The following NR4A3 variants were observed in gnomAD, a reference collection of about 807,000 sequenced individuals.
The protein encoded by NR4A3 is chondrosarcoma, extraskeletal myxoid, fused to EWS.
Under a neutral mutation model 55.6 loss-of-function variants are expected in NR4A3, and 13 were observed. The observed-to-expected ratio is 0.23, with a 90% CI of 0.15 to 0.37. The LOEUF (loss-of-function observed/expected upper bound fraction) is 0.37. Among genes scored for constraint, NR4A3 ranks in the 10% least tolerant of loss-of-function variants. The probability of loss-of-function intolerance (pLI) is 1.00; values close to 1 mark genes in which losing one functional copy is unlikely to be tolerated. For missense variants in NR4A3, 646 were observed against 822.8 expected (o/e 0.79, Z 2.63); for synonymous variants, 342 against 357.9 (o/e 0.96, Z 0.50).
rs538379255 is a variant in NR4A3 at position 99,822,745 on chromosome 9, TCGGCGGCGG to T, written c.-177+352_-177+360del. Among the ~76,000 whole-genome samples, 10 of 151,966 alleles carry T rather than the reference TCGGCGGCGG, an allele frequency of 6.6e-5. No homozygotes were observed. The highest frequency in any genetic ancestry group is 1.5e-4 in the Non-Finnish European group (10 of 67,974). On this transcript the variant is annotated intron_variant, in intron 1 of 7. Coordinates refer to ENST00000395097, the MANE Select transcript of NR4A3 (RefSeq NM_006981.4). The surrounding 1 kb of genome is among the most constrained non-coding windows in gnomAD (Gnocchi z 4.9). ...TCTAGTTGTCATGGTAATGATGCTC[TCGGCGGCGG>T]CGGCGGCGGCGGCAGCGGCAGCGGC... is the stretch of plus-strand genomic sequence containing the variant.
chr9:99,866,540 CATCTT>C lies in NR4A3; in HGVS notation c.*2677_*2681del, dbSNP rs1372661108. On this transcript the variant is annotated 3_prime_UTR_variant, in exon 8 of 8. Transcript: ENST00000395097. ...TTACAACTATGAGAGCCTCCCAAGT[CATCTT>C]ATCAACTCAACTCCCTTTTTTTTGT... 1 of 228,726 alleles carries C rather than the reference CATCTT, an allele frequency of 4.4e-6. No individual in the cohort carries two copies. Among genetic ancestry groups the C allele is most frequent in the Non-Finnish European group, 8.7e-6 (1 of 115,088 alleles). 14.2% of individuals were successfully genotyped at this position (228,726 alleles called of 1,614,324 possible). A position where few individuals can be genotyped will look rare whatever the true frequency, so the allele number is the denominator to read the frequency against.
rs541982050 is a variant in NR4A3, at chr9:99,865,868, G to A, written c.*2001G>A. Reference sequence around the variant, plus strand: ...ATAGAACCTGGAATGTTAGGATTTTGAAATGTTAGACTTGGAAGGGGCCTG... The same window carrying A: ...ATAGAACCTGGAATGTTAGGATTTTAAAATGTTAGACTTGGAAGGGGCCTG... On this transcript the variant is annotated 3_prime_UTR_variant, in exon 8 of 8. Transcript: ENST00000395097. This position sits in a 1 kb window ranked among gnomAD's most constrained non-coding sequence, Gnocchi z 4.3. 5.3e-4 allele frequency: 114 copies of A among 214,414 alleles called. No homozygotes were observed. Among genetic ancestry groups the A allele is most frequent in the Non-Finnish European group, 9.0e-4 (95 of 105,920 alleles). 13.3% of individuals were successfully genotyped at this position (214,414 alleles called of 1,614,324 possible).
intron 7 of NR4A3, among the ~76,000 whole-genome samples, chr9:99,858,900 G>A (rs1229045843): frequency 1.3e-5 from 2 of 152,168 alleles, no homozygotes; most frequent in Non-Finnish European, 2.9e-5. Flanking sequence ...GCATAATATA[G>A]TTAACTCCCA....
At chr9:99,860,999 G>A (rs1011913029) in intron 7 of NR4A3, among the ~76,000 whole-genome samples, 1 of 152,188 alleles carries the variant, frequency 6.6e-6, no homozygotes, top group Non-Finnish European at 1.5e-5. Flanking sequence ...AGCAAAGGCT[G>A]TGTATCTGCC....
intron 7 of NR4A3, among the ~76,000 whole-genome samples, chr9:99,863,078 G>A (rs1325797237): frequency 6.6e-6 from 1 of 152,180 alleles, no homozygotes; most frequent in Non-Finnish European, 1.5e-5. Flanking sequence ...TTTTCGAGCA[G>A]CCCTTGCATT....
At chr9:99,826,597 C>G (rs1295563583) in intron 2 of NR4A3, 1 of 603,492 alleles carries the variant, frequency 1.7e-6, no homozygotes, top group Non-Finnish European at 3.0e-6. Context: ...AAATGATTAG[C>G]CTTTCATTTC....
intron 7 of NR4A3, among the ~76,000 whole-genome samples, chr9:99,848,427 C>T (rs1375059686): frequency 6.6e-6 from 1 of 152,180 alleles, no homozygotes; most frequent in Non-Finnish European, 1.5e-5. Context: ...TTACTGCAAC[C>T]TCTGCCTCCT....
rs539476077 is a variant in NR4A3, at chr9:99,861,208, G to T, written c.1634-2412G>T. On this transcript the variant is annotated intron_variant, in intron 7 of 7. Coordinates refer to ENST00000395097, the MANE Select transcript of NR4A3 (RefSeq NM_006981.4). ...GGAGATCCCGCTGGCAATCTTCATG[G>T]TTGTATTTTAATATCATTATAACAT... Among the ~76,000 whole-genome samples the T allele has an allele frequency of 3.3e-5, 5 of 152,340 alleles. No individual in the cohort carries two copies. The East Asian group carries it at 9.6e-4, about 29-fold the overall frequency.
intron 5 of NR4A3, among the ~76,000 whole-genome samples, chr9:99,839,144 T>G (rs1003957389): frequency 4.6e-5 from 7 of 152,156 alleles, no homozygotes; most frequent in African/African-American, 1.4e-4. Context: ...GAGAGGAATT[T>G]TTTGCTTTTT....
In NR4A3 at chr9:99,866,285, T is replaced by A. The variant is rs1319206450; in HGVS notation, c.*2418T>A. 7.2e-5 allele frequency: 16 copies of A among 221,274 alleles called. No individual in the cohort carries two copies. In the Admixed American group the frequency reaches 9.2e-4, roughly 13 times the overall value. The allele number at this position is 221,274 out of a possible 1,614,324, so 13.7% of individuals were successfully genotyped here. A position where few individuals can be genotyped will look rare whatever the true frequency, so the allele number is the denominator to read the frequency against. ...TTGTGCACCATGAGTATTTGGAAAG[T>A]TAATCCTTGTTTTTGTCGTGTCTAT... is the stretch of plus-strand genomic sequence containing the variant. On this transcript the variant is annotated 3_prime_UTR_variant, in exon 8 of 8. Coordinates refer to ENST00000395097, the MANE Select transcript of NR4A3 (RefSeq NM_006981.4).
At chr9:99,861,477 T>C (rs981624040) in intron 7 of NR4A3, among the ~76,000 whole-genome samples, 3 of 151,492 alleles carry the variant, frequency 2.0e-5, no homozygotes, top group African/African-American at 7.3e-5. Context: ...ATTTCACCAC[T>C]GCATAGCCTG....
intron 5 of NR4A3, chr9:99,833,789 A>C: frequency 7.5e-7 from 1 of 1,330,602 alleles, no homozygotes; most frequent in Non-Finnish European, 9.7e-7. Context: ...CAAAGTGACT[A>C]CTGTTTTTTT....
chr9:99,866,375 A>G lies in NR4A3; in HGVS notation c.*2508A>G, dbSNP rs1353473559. On this transcript the variant is annotated 3_prime_UTR_variant, in exon 8 of 8. Coordinates refer to ENST00000395097, the MANE Select transcript of NR4A3 (RefSeq NM_006981.4). ...AAATGCTGTTACTTTTTATTTTTAC[A>G]CCCATCAGATTTAAGGAAAAGACTT... The G allele has an allele frequency of 2.2e-5, 5 of 223,158 alleles. No homozygotes were observed. The East Asian group carries it at 3.3e-4, about 15-fold the overall frequency. The allele number at this position is 223,158 out of a possible 1,614,324, so 13.8% of individuals were successfully genotyped here.
chr9:99,862,955 T>G (rs533294090), intron 7 of NR4A3, among the ~76,000 whole-genome samples: 7 of 152,072 alleles, frequency 4.6e-5, no homozygotes, highest in African/African-American at 1.4e-4. Context: ...GTGCCAGGTG[T>G]AGGTCAACAG....
Position 99,828,521 on chromosome 9 carries a change from T to A in NR4A3, c.479T>A (p.Leu160Gln). Reference sequence around the variant, plus strand: ...GCGGGGGCGTTATGGGACGAGGCACTGCCCTCGGCGCCCGGCTGCATCGCA... The same window carrying A: ...GCGGGGGCGTTATGGGACGAGGCACAGCCCTCGGCGCCCGGCTGCATCGCA... ...PQAGALWDEA[L>Q]PSAPGCIAPG... Residue 160 changes from leucine to glutamine, a missense_variant, in exon 3 of 8, where the codon CTG becomes CAG. Leu to Gln is a moderately radical substitution (Grantham distance 113, BLOSUM62 -2). Coordinates refer to ENST00000395097, the MANE Select transcript of NR4A3 (RefSeq NM_006981.4). The surrounding 1 kb of genome is among the most constrained non-coding windows in gnomAD (Gnocchi z 7.7). The A allele has an allele frequency of 6.3e-7, 1 of 1,578,132 alleles. No individual in the cohort carries two copies. The highest frequency in any genetic ancestry group is 8.6e-7 in the Non-Finnish European group (1 of 1,166,096).
In NR4A3 at chr9:99,828,862, A is replaced by T; in HGVS notation, c.820A>T (p.Ser274Cys). The T allele has an allele frequency of 1.3e-6, 2 of 1,496,386 alleles. No homozygotes were observed. Among genetic ancestry groups the T allele is most frequent in the South Asian group, 2.5e-5 (2 of 80,980 alleles). The allele number at this position is 1,496,386 out of a possible 1,614,324, so 92.7% of individuals were successfully genotyped here. Residue 274 changes from serine (S) to cysteine (C), a missense_variant, in exon 3 of 8, where the codon AGT (serine) becomes TGT (cysteine). Coordinates refer to ENST00000395097, the MANE Select transcript of NR4A3 (RefSeq NM_006981.4). This position sits in a 1 kb window ranked among gnomAD's most constrained non-coding sequence, Gnocchi z 7.7. ...TACCGCGTCCAGCCTGCTGGGCGAGAGTCCCAGCCTGCCGTCGCCGCCCAG... is the reference window on the plus strand; with the variant it reads ...TACCGCGTCCAGCCTGCTGGGCGAGTGTCCCAGCCTGCCGTCGCCGCCCAG... ...SPTASSLLGE[S>C]PSLPSPPSRS...
chr9:99,833,433 C>A lies in NR4A3; in HGVS notation c.1233C>A (p.Pro411=). 3.1e-6 allele frequency: 5 copies of A among 1,614,036 alleles called. No homozygotes were observed. Among genetic ancestry groups the A allele is most frequent in the Non-Finnish European group, 4.2e-6 (5 of 1,179,934 alleles). The change falls in exon 5 of 8, where the codon CCC becomes CCA. Residue 411 remains proline, a synonymous_variant. Transcript: ENST00000395097. ...ALVRALTDST[P]RDLDYSRYCP... is the part of the protein sequence containing the mutation. ...TCCGAGCTTTAACAGACTCAACACC[C>A]AGAGATCTTGATTATTCCAGAGTAA...
chr9:99,848,316 C>G (rs952167839), intron 7 of NR4A3, among the ~76,000 whole-genome samples: 1 of 152,166 alleles, frequency 6.6e-6, no homozygotes, highest in Non-Finnish European at 1.5e-5. Context: ...TGGTTCAACT[C>G]AGCAGTTTTT....
At position 99,847,625 on chromosome 9, in the gene NR4A3, A is replaced by G. The variant is rs753426988; in HGVS notation, c.1633+10A>G. Reference sequence around the variant, plus strand: ...CTGAGCATGATCACAGGTAAGCACCACCTTGCCAAAACCGCATCCTCATTT... The same window carrying G: ...CTGAGCATGATCACAGGTAAGCACCGCCTTGCCAAAACCGCATCCTCATTT... On this transcript the variant is annotated intron_variant, in intron 7 of 7. Transcript: ENST00000395097. 1 of 1,612,184 alleles carries G rather than the reference A, an allele frequency of 6.2e-7. No individual in the cohort carries two copies. Among genetic ancestry groups the G allele is most frequent in the Non-Finnish European group, 8.5e-7 (1 of 1,178,808 alleles).
Sources: allele counts gnomAD v4.1 joint callset (sites outside exome capture counted in the v4.1 genomes callset), GRCh38; gene constraint gnomAD v4.1.1; non-coding constraint Gnocchi (gnomAD v3.1); transcripts MANE v1.5; gene names NCBI Gene and HGNC (gene_info 2026-07-23, HGNC 2026-07-21).